The following FAM171A1 variants were observed in gnomAD, a reference collection of about 807,000 sequenced individuals.
FAM171A1 encodes protein FAM171A1.
In FAM171A1, 23 loss-of-function variants were observed where a neutral mutation model predicts 74.9. The ratio of observed to expected loss-of-function variants is 0.31; its 90% CI spans 0.22 to 0.44. The LOEUF (loss-of-function observed/expected upper bound fraction) is 0.44, where lower values mean the gene tolerates loss of function less well. Ranked by LOEUF, FAM171A1 falls within the 20% of genes least tolerant of loss-of-function variation. The probability of loss-of-function intolerance (pLI) is 1.00; values close to 1 mark genes in which losing one functional copy is unlikely to be tolerated. For synonymous variants in FAM171A1, 527 were observed against 505.7 expected (o/e 1.04, Z -0.57); for missense variants, 1,162 against 1,159.2 (o/e 1.00, Z -0.03).
At chr10:15,370,484 G>T (rs867363866) in intron 1 of FAM171A1, among the ~76,000 whole-genome samples, 19 of 151,838 alleles carry the variant, frequency 1.3e-4, no homozygotes, top group African/African-American at 3.4e-4. Context: ...ACCCCCTCCC[G>T]CCACAACAAA....
intron 1 of FAM171A1, among the ~76,000 whole-genome samples, chr10:15,354,356 T>C (rs572102106): frequency 5.5e-4 from 84 of 152,060 alleles, no homozygotes; most frequent in African/African-American, 1.8e-3. Context: ...ATTAGCCAAG[T>C]GTTGTGGCAC....
chr10:15,331,510 T>C (rs913395915), intron 1 of FAM171A1, among the ~76,000 whole-genome samples: 6 of 152,046 alleles, frequency 3.9e-5, no homozygotes, highest in African/African-American at 1.4e-4. Context: ...TCTGAGACCT[T>C]ATACAAGGGC....
chr10:15,337,188 C>T (rs1048282136), intron 1 of FAM171A1, among the ~76,000 whole-genome samples: 2 of 152,042 alleles, frequency 1.3e-5, no homozygotes, highest in Non-Finnish European at 2.9e-5. Context: ...GCTGCTATCA[C>T]CTTTATACAA....
chr10:15,288,287 G>A (rs945707904), intron 1 of FAM171A1, among the ~76,000 whole-genome samples: 2 of 152,014 alleles, frequency 1.3e-5, no homozygotes, highest in East Asian at 3.9e-4. Flanking sequence ...ACCGGTAGTG[G>A]GATTGATGGA....
intron 5 of FAM171A1, among the ~76,000 whole-genome samples, chr10:15,232,959 T>C (rs1834226588): frequency 6.6e-6 from 1 of 152,246 alleles, no homozygotes; most frequent in Non-Finnish European, 1.5e-5. Flanking sequence ...AATACCTGTT[T>C]TTCTAATGGA....
chr10:15,314,747 C>T (rs1835402717), intron 1 of FAM171A1, among the ~76,000 whole-genome samples: 5 of 152,232 alleles, frequency 3.3e-5, no homozygotes, highest in South Asian at 2.1e-4. Flanking sequence ...ACGCCAACCA[C>T]GAAATGGCAC....
chr10:15,322,163 T>C (rs1878624), intron 1 of FAM171A1, among the ~76,000 whole-genome samples: 39,079 of 152,046 alleles, frequency 0.26, 5,207 homozygotes, highest in African/African-American at 0.28. Flanking sequence ...AAAAATACCA[T>C]TGGGGGTTGA....
chr10:15,275,753 C>A, intron 3 of FAM171A1, 102 bp downstream of exon 3: 1 of 685,202 alleles, frequency 1.5e-6, no homozygotes. Flanking sequence ...TTAATCAATC[C>A]ACCTTGTATA....
Position 15,347,671 on chromosome 10 carries a change from A to G in FAM171A1, c.97+23285T>C, listed in dbSNP as rs184522519. On this transcript the variant is annotated intron_variant, in intron 1 of 7. Coordinates refer to ENST00000378116, the MANE Select transcript of FAM171A1 (RefSeq NM_001010924.2). ...GCCAACATGGTGAAATCCTGTCTCTACTAAAAATACAAAAATTAGCTGGGC... is the reference window on the plus strand; with the variant it reads ...GCCAACATGGTGAAATCCTGTCTCTGCTAAAAATACAAAAATTAGCTGGGC... 4.2e-3 allele frequency among the ~76,000 whole-genome samples: 640 copies of G among 151,912 alleles called. 6 individuals carry two copies. The highest frequency in any genetic ancestry group is 0.015 in the African/African-American group (617 of 41,422).
rs887720469 is a variant in FAM171A1 at position 15,271,214 on chromosome 10, T to C, written c.418+4641A>G. On this transcript the variant is annotated intron_variant, in intron 3 of 7. Transcript: ENST00000378116. ...AATGACCTGATGGAGCTGAAAACCA[T>C]GGCACAAGAACTACGTGACACATGC... is the stretch of plus-strand genomic sequence containing the variant. Among the ~76,000 whole-genome samples, 13 of 152,238 alleles carry C rather than the reference T, an allele frequency of 8.5e-5. No homozygotes were observed. In the East Asian group the frequency reaches 1.3e-3, roughly 16 times the overall value.
At chr10:15,232,350 T>G (rs768475652) in intron 5 of FAM171A1, among the ~76,000 whole-genome samples, 1 of 152,206 alleles carries the variant, frequency 6.6e-6, no homozygotes, top group Non-Finnish European at 1.5e-5. Context: ...GCTTAATTGT[T>G]TCTCCGCCAT....
chr10:15,277,296 C>T (rs998438397), intron 2 of FAM171A1, among the ~76,000 whole-genome samples: 8 of 152,134 alleles, frequency 5.3e-5, no homozygotes, highest in Non-Finnish European at 8.8e-5. Flanking sequence ...TGGCTCACTG[C>T]AACCTCCGCC....
intron 1 of FAM171A1, among the ~76,000 whole-genome samples, chr10:15,327,083 G>C (rs534736905): frequency 6.6e-6 from 1 of 152,226 alleles, no homozygotes; most frequent in African/African-American, 2.4e-5. Context: ...TTTAGATCAA[G>C]CATTCCCTTA....
At chr10:15,316,239 T>G (rs1236906371) in intron 1 of FAM171A1, among the ~76,000 whole-genome samples, 3 of 152,238 alleles carry the variant, frequency 2.0e-5, no homozygotes, top group Non-Finnish European at 2.9e-5. Context: ...TTTGAATGAC[T>G]GGGATTTCTG....
intron 1 of FAM171A1, among the ~76,000 whole-genome samples, chr10:15,313,015 CT>C (rs1835382492): frequency 6.6e-6 from 1 of 152,006 alleles, no homozygotes; most frequent in Non-Finnish European, 1.5e-5. Flanking sequence ...TTATTCTCTA[CT>C]TTTGAGCGAG....
chr10:15,285,001 T>C (rs907885200), intron 1 of FAM171A1, among the ~76,000 whole-genome samples: 2 of 148,724 alleles, frequency 1.3e-5, no homozygotes, highest in Non-Finnish European at 3.0e-5. Context: ...CAAAAACAGA[T>C]CATGAATCTG....
At chr10:15,295,073 G>T (rs899043522) in intron 1 of FAM171A1, among the ~76,000 whole-genome samples, 1 of 152,092 alleles carries the variant, frequency 6.6e-6, no homozygotes, top group African/African-American at 2.4e-5. Context: ...CTGCCACCAT[G>T]CCCAGCTAAC....
intron 5 of FAM171A1, among the ~76,000 whole-genome samples, chr10:15,245,348 T>C (rs764229424): frequency 2.0e-5 from 3 of 152,252 alleles, no homozygotes; most frequent in Admixed American, 6.5e-5. Context: ...ATTACAGGCA[T>C]GAGCCATGGT....
chr10:15,268,832 A>G (rs1298963209), intron 3 of FAM171A1, among the ~76,000 whole-genome samples: 1 of 152,206 alleles, frequency 6.6e-6, no homozygotes, highest in Non-Finnish European at 1.5e-5. Context: ...ACCTGAGGTC[A>G]GGAGTTTGAG....
Sources: allele counts gnomAD v4.1 joint callset (sites outside exome capture counted in the v4.1 genomes callset), GRCh38; gene constraint gnomAD v4.1.1; transcripts MANE v1.5; gene names NCBI Gene and HGNC (gene_info 2026-07-23, HGNC 2026-07-21).